Variants in THRB observed in about 807,000 individuals in gnomAD.
The protein encoded by THRB is thyroid hormone receptor beta.
Under a neutral mutation model 47.8 loss-of-function variants are expected in THRB, and 12 were observed. The observed-to-expected ratio is 0.25, with a 90% CI of 0.16 to 0.41. The LOEUF (loss-of-function observed/expected upper bound fraction) is 0.41, where lower values mean the gene tolerates loss of function less well. Ranked by LOEUF, THRB falls within the 10% of genes least tolerant of loss-of-function variation. The pLI is 1.00. For missense variants in THRB, 348 were observed against 589.2 expected (o/e 0.59, Z 4.24); for synonymous variants, 218 against 212.2 (o/e 1.03, Z -0.24).
intron 5 of THRB, among the ~76,000 whole-genome samples, chr3:24,179,987 C>G (rs545599089): frequency 4.0e-4 from 61 of 152,260 alleles, no homozygotes; most frequent in Non-Finnish European, 8.2e-4. Context: ...TATGTTTTGT[C>G]TTAAATATTA....
intron 3 of THRB, among the ~76,000 whole-genome samples, chr3:24,230,885 G>C (rs577493049): frequency 6.6e-6 from 1 of 152,166 alleles, no homozygotes; most frequent in African/African-American, 2.4e-5. Flanking sequence ...CCTCTCTAGG[G>C]ACAGAATTTA....
intron 3 of THRB, among the ~76,000 whole-genome samples, chr3:24,270,020 A>T (rs2053160314): frequency 6.6e-6 from 1 of 152,142 alleles, no homozygotes; most frequent in Non-Finnish European, 1.5e-5. Context: ...TTAAGGTTTT[A>T]CAAATAGTGT....
intron 3 of THRB, among the ~76,000 whole-genome samples, chr3:24,290,756 C>G (rs1253291227): frequency 6.6e-6 from 1 of 152,202 alleles, no homozygotes; most frequent in African/African-American, 2.4e-5. Context: ...ATAGTAATGA[C>G]TAACCTTGAA....
chr3:24,133,208 G>C, intron 9 of THRB, 108 bp downstream of exon 9: 1 of 1,304,000 alleles, frequency 7.7e-7, no homozygotes, highest in South Asian at 1.2e-5. Context: ...GCTTTCATAT[G>C]ATTAAGTCCC....
At chr3:24,189,406 T>C (rs1473196793) in intron 5 of THRB, among the ~76,000 whole-genome samples, 1 of 152,188 alleles carries the variant, frequency 6.6e-6, no homozygotes, top group African/African-American at 2.4e-5. Context: ...GCAAAGATTT[T>C]GGGGAGCCCT....
intron 1 of THRB, among the ~76,000 whole-genome samples, chr3:24,417,544 T>C (rs1417871991): frequency 6.6e-6 from 1 of 151,920 alleles, no homozygotes; most frequent in African/African-American, 2.4e-5. Flanking sequence ...TCTCTAATGA[T>C]ATCTCATCAT....
intron 1 of THRB, among the ~76,000 whole-genome samples, chr3:24,464,811 A>G (rs909147083): frequency 6.6e-6 from 1 of 152,214 alleles, no homozygotes; most frequent in Non-Finnish European, 1.5e-5. Flanking sequence ...TAAACCAACC[A>G]AAATCTAAAG....
intron 1 of THRB, among the ~76,000 whole-genome samples, chr3:24,475,381 T>C (rs924448431): frequency 3.3e-5 from 5 of 152,162 alleles, no homozygotes; most frequent in African/African-American, 1.2e-4. Flanking sequence ...TGCTACCATT[T>C]GCAATATCTT....
Position 24,120,007 on chromosome 3 carries a change from G to A in THRB, c.*2877C>T, listed in dbSNP as rs1320446698. 1 of 152,194 alleles carries A rather than the reference G, an allele frequency of 6.6e-6. No homozygotes were observed. Among genetic ancestry groups the A allele is most frequent in the Non-Finnish European group, 1.5e-5 (1 of 68,056 alleles). The allele number at this position is 152,194 out of a possible 1,614,324, so 9.4% of individuals were successfully genotyped here. On this transcript the variant is annotated 3_prime_UTR_variant, in exon 11 of 11. Coordinates refer to ENST00000646209, the MANE Select transcript of THRB (RefSeq NM_001354712.2). Reference sequence around the variant, plus strand: ...CCCTGCCGAGGGGGTGGGAGCGCAGGTGTGAAGGGTATCTCCATCAGGTCC... The same window carrying A: ...CCCTGCCGAGGGGGTGGGAGCGCAGATGTGAAGGGTATCTCCATCAGGTCC...
chr3:24,125,218 C>G (rs2032514791), intron 10 of THRB, among the ~76,000 whole-genome samples: 1 of 152,136 alleles, frequency 6.6e-6, no homozygotes, highest in African/African-American at 2.4e-5. Context: ...TGGCAAAAGC[C>G]TTTGTTACTT....
Position 24,306,481 on chromosome 3 carries a change from G to T in THRB, c.-188-9110C>A, listed in dbSNP as rs1009859085. On this transcript the variant is annotated intron_variant, in intron 2 of 10. Transcript: ENST00000646209. ...CCCTGAAAGCAGGAATTATAAATGG[G>T]CTGGGGAACAAGGGAAAAATTATCC... Among the ~76,000 whole-genome samples, 3 of 152,228 alleles carry T rather than the reference G, an allele frequency of 2.0e-5. No homozygotes were observed. In the East Asian group the frequency reaches 5.8e-4, roughly 29 times the overall value.
intron 5 of THRB, among the ~76,000 whole-genome samples, chr3:24,158,549 C>A (rs773801197): frequency 2.4e-4 from 36 of 152,050 alleles, no homozygotes; most frequent in Non-Finnish European, 3.7e-4. Context: ...CTGCCTCAGC[C>A]TCCTGAGTCA....
intron 3 of THRB, among the ~76,000 whole-genome samples, chr3:24,274,557 T>C (rs1207269997): frequency 6.6e-6 from 1 of 152,196 alleles, no homozygotes; most frequent in African/African-American, 2.4e-5. Flanking sequence ...CTTTCACTCC[T>C]TTCCATTTTC....
At chr3:24,454,065 A>G (rs2072936414) in intron 1 of THRB, among the ~76,000 whole-genome samples, 1 of 152,220 alleles carries the variant, frequency 6.6e-6, no homozygotes, top group South Asian at 2.1e-4. Context: ...AATTTTGCAA[A>G]TCATATCTCT....
rs763444705 is a variant in THRB at position 24,117,334 on chromosome 3, G to A, written c.*5550C>T. ...CATTCTCTTCCACTTATAGCAGCAA[G>A]ACTTAGAATTTTCTTTCAGGAATCA... On this transcript the variant is annotated 3_prime_UTR_variant, in exon 11 of 11. Coordinates refer to ENST00000646209, the MANE Select transcript of THRB (RefSeq NM_001354712.2). 1 of 152,222 alleles carries A rather than the reference G, an allele frequency of 6.6e-6. No individual in the cohort carries two copies. The allele number at this position is 152,222 out of a possible 1,614,324, so 9.4% of individuals were successfully genotyped here. A position where few individuals can be genotyped will look rare whatever the true frequency, so the allele number is the denominator to read the frequency against.
intron 10 of THRB, among the ~76,000 whole-genome samples, chr3:24,124,015 G>A (rs150645508): frequency 1.0e-3 from 157 of 152,270 alleles, no homozygotes; most frequent in African/African-American, 3.5e-3. Flanking sequence ...CTATAAACCC[G>A]GATGAATTCC....
At chr3:24,396,960 CT>C (rs561920969) in intron 1 of THRB, among the ~76,000 whole-genome samples, 141 of 152,114 alleles carry the variant, frequency 9.3e-4, no homozygotes, top group African/African-American at 3.4e-3. Context: ...TTTACCAGTT[CT>C]TTTTTTGCTA....
intron 2 of THRB, among the ~76,000 whole-genome samples, chr3:24,301,048 G>A (rs911395305): frequency 2.6e-5 from 4 of 152,120 alleles, no homozygotes; most frequent in Non-Finnish European, 4.4e-5. Flanking sequence ...AGGGAGAAGC[G>A]GTGAGGGCCA....
At chr3:24,127,053 A>G (rs2032973699) in intron 10 of THRB, among the ~76,000 whole-genome samples, 1 of 152,216 alleles carries the variant, frequency 6.6e-6, no homozygotes, top group South Asian at 2.1e-4. Flanking sequence ...TCGGTGTGCT[A>G]TTTAGCAACA....
Sources: allele counts gnomAD v4.1 joint callset (sites outside exome capture counted in the v4.1 genomes callset), GRCh38; gene constraint gnomAD v4.1.1; transcripts MANE v1.5; gene names NCBI Gene and HGNC (gene_info 2026-07-23, HGNC 2026-07-21).